NTM: variants seen among roughly 807,000 people sequenced by gnomAD.
NTM encodes the protein neurotrimin.
NTM carries 13 observed loss-of-function variants against 42.1 expected under a neutral mutation model. The ratio of observed to expected loss-of-function variants is 0.31; its 90% CI spans 0.20 to 0.49. The LOEUF (loss-of-function observed/expected upper bound fraction) is 0.49, where lower values mean the gene tolerates loss of function less well. Among genes scored for constraint, NTM ranks in the 20% least tolerant of loss-of-function variants. The probability of loss-of-function intolerance (pLI) is 0.99; values close to 1 mark genes in which losing one functional copy is unlikely to be tolerated. For missense variants in NTM, 373 were observed against 452.8 expected (o/e 0.82, Z 1.60); for synonymous variants, 187 against 179.2 (o/e 1.04, Z -0.35).
At chr11:131,640,283 T>A (rs529283341) in intron 1 of NTM, among the ~76,000 whole-genome samples, 1 of 152,292 alleles carries the variant, frequency 6.6e-6, no homozygotes, top group Admixed American at 6.5e-5. Flanking sequence ...CCTGTTCTTA[T>A]GAGAATAAGA....
intron 2 of NTM, among the ~76,000 whole-genome samples, chr11:132,053,909 TGTA>T (rs2079212480): frequency 2.0e-5 from 3 of 152,158 alleles, no homozygotes; most frequent in African/African-American, 7.2e-5. Context: ...CAGTAGCAGA[TGTA>T]GTGGTCACCC....
chr11:131,514,499 G>T (rs2048643901), intron 1 of NTM, among the ~76,000 whole-genome samples: 1 of 152,248 alleles, frequency 6.6e-6, no homozygotes, highest in South Asian at 2.1e-4. Context: ...TAGGAAGGTG[G>T]AATTCAGGTA....
chr11:132,134,751 A>ATATG (rs2067527875), intron 2 of NTM, among the ~76,000 whole-genome samples: 1 of 89,022 alleles, frequency 1.1e-5, no homozygotes, highest in Non-Finnish European at 2.2e-5. Context: ...ATATATATAT[A>ATATG]TATATATATC....
At chr11:132,213,032 T>C (rs140219985) in intron 4 of NTM, among the ~76,000 whole-genome samples, 1 of 152,104 alleles carries the variant, frequency 6.6e-6, no homozygotes, top group Non-Finnish European at 1.5e-5. Context: ...GTTGACAGAA[T>C]GACAAGAGCT....
In NTM at chr11:131,811,905, T is replaced by C. The variant is rs148269772; in HGVS notation, c.83-99659T>C. On this transcript the variant is annotated intron_variant, in intron 1 of 8. Coordinates refer to ENST00000683400, the MANE Select transcript of NTM (RefSeq NM_001352005.2). The stretch of plus-strand genomic sequence containing the variant: ...TTCACCTTTCAGACCTGAGATAATC[T>C]ACATCTTTTATAAGGTTTTCTAAAA... Among the ~76,000 whole-genome samples, 36 of 152,340 alleles carry C rather than the reference T, an allele frequency of 2.4e-4. No homozygotes were observed. In the East Asian group the frequency reaches 6.9e-3, roughly 29 times the overall value.
chr11:131,728,589 G>A (rs1029629157), intron 1 of NTM, among the ~76,000 whole-genome samples: 5 of 152,118 alleles, frequency 3.3e-5, no homozygotes, highest in African/African-American at 1.2e-4. Context: ...ACCCATTTAT[G>A]CCAGTGTTCC....
At chr11:131,532,168 T>G (rs972966522) in intron 1 of NTM, among the ~76,000 whole-genome samples, 12 of 152,102 alleles carry the variant, frequency 7.9e-5, no homozygotes, top group Non-Finnish European at 1.3e-4. Context: ...ATTACAACCA[T>G]CTCCAGAATT....
chr11:132,145,992 G>A (rs1053348290), intron 2 of NTM, among the ~76,000 whole-genome samples: 12 of 152,216 alleles, frequency 7.9e-5, no homozygotes, highest in Non-Finnish European at 1.5e-4. Context: ...AGTATTCGAA[G>A]TATCCAGCCA....
chr11:132,314,511 A>G (rs1415415168), intron 6 of NTM, 41 bp from the exon 7 acceptor site: 1 of 1,583,506 alleles, frequency 6.3e-7, no homozygotes, highest in Non-Finnish European at 8.6e-7. Context: ...AGGACACATA[A>G]CCATCTTGTT....
chr11:131,940,965 C>T (rs2059730609), intron 2 of NTM, among the ~76,000 whole-genome samples: 1 of 152,188 alleles, frequency 6.6e-6, no homozygotes, highest in South Asian at 2.1e-4. Context: ...AAGTAAACCC[C>T]TGCATGAAAG....
At chr11:131,733,610 A>G (rs2080016012) in intron 1 of NTM, among the ~76,000 whole-genome samples, 1 of 151,694 alleles carries the variant, frequency 6.6e-6, no homozygotes, top group African/African-American at 2.4e-5. Context: ...TCACTGGCTC[A>G]CTGCAACCTC....
chr11:131,820,938 C>G (rs552858620), intron 1 of NTM, among the ~76,000 whole-genome samples: 36 of 152,070 alleles, frequency 2.4e-4, no homozygotes, highest in Non-Finnish European at 5.3e-4. Flanking sequence ...TGCACACACA[C>G]AAGCCTTTCC....
intron 2 of NTM, among the ~76,000 whole-genome samples, chr11:132,051,510 A>AT (rs1373575801): frequency 5.9e-5 from 9 of 152,150 alleles, no homozygotes; most frequent in Non-Finnish European, 1.0e-4. Flanking sequence ...AGGAAGTAAG[A>AT]TTTTTGGCCA....
intron 2 of NTM, among the ~76,000 whole-genome samples, chr11:131,963,755 G>A (rs191232134): frequency 4.6e-5 from 7 of 152,312 alleles, no homozygotes; most frequent in African/African-American, 1.7e-4. Flanking sequence ...AATGATGACA[G>A]CTACACTTAT....
chr11:131,482,606 C>A (rs73588752), intron 1 of NTM, among the ~76,000 whole-genome samples: 1 of 152,090 alleles, frequency 6.6e-6, no homozygotes, highest in South Asian at 2.1e-4. Context: ...CAGGCTTGCA[C>A]GCTGCCTTGA....
rs568877876 is a variant in NTM at position 132,332,058 on chromosome 11, G to C, written c.967+1873G>C. ...AATCAATGAGGATCATGATCGATTT[G>C]GGGTAGAAACATCACCTTGGAATTC... On this transcript the variant is annotated intron_variant, in intron 8 of 8. Coordinates refer to ENST00000683400, the MANE Select transcript of NTM (RefSeq NM_001352005.2). Among the ~76,000 whole-genome samples the C allele has an allele frequency of 1.4e-4, 21 of 152,314 alleles. No homozygotes were observed. The South Asian group carries it at 4.2e-3, about 30-fold the overall frequency.
intron 1 of NTM, among the ~76,000 whole-genome samples, chr11:131,740,305 G>C (rs1456728628): frequency 6.6e-6 from 1 of 152,188 alleles, no homozygotes; most frequent in Non-Finnish European, 1.5e-5. Flanking sequence ...GTCTCAAGGG[G>C]TGTTGTGAGG....
intron 1 of NTM, among the ~76,000 whole-genome samples, chr11:131,551,052 G>A (rs1250704057): frequency 6.6e-6 from 1 of 152,022 alleles, no homozygotes; most frequent in Non-Finnish European, 1.5e-5. Context: ...TTTGTTTTTT[G>A]TAGAGAAATG....
chr11:132,162,971 A>G (rs766790384), intron 3 of NTM, among the ~76,000 whole-genome samples: 37 of 151,938 alleles, frequency 2.4e-4, no homozygotes, highest in Non-Finnish European at 4.1e-4. Context: ...CAGCTACTCA[A>G]AGGGGCTGAT....
Sources: allele counts gnomAD v4.1 joint callset (sites outside exome capture counted in the v4.1 genomes callset), GRCh38; gene constraint gnomAD v4.1.1; transcripts MANE v1.5; gene names NCBI Gene and HGNC (gene_info 2026-07-23, HGNC 2026-07-21).